PRR5: variants seen among roughly 807,000 people sequenced by gnomAD.
PRR5 encodes proline-rich protein 5.
Under a neutral mutation model 30.6 loss-of-function variants are expected in PRR5, and 25 were observed. The ratio of observed to expected loss-of-function variants is 0.82; its 90% confidence interval spans 0.60 to 1.14. The LOEUF is 1.14. Among genes scored for constraint, PRR5 ranks in the 50% most tolerant of loss-of-function variants. The pLI is 0.00. For synonymous variants in PRR5, 286 were observed against 247.1 expected (o/e 1.16, Z -1.48); for missense variants, 600 against 547.1 (o/e 1.10, Z -0.96).
chr22:44,699,270 C>T (rs1412164355), upstream of PRR5, among the ~76,000 whole-genome samples: 1 of 152,214 alleles, frequency 6.6e-6, no homozygotes, highest in Admixed American at 6.5e-5. Flanking sequence ...CCCAAGCAGT[C>T]AGGCCTCCCT....
chr22:44,684,839 A>T (rs1357368076), intron 1 of PRR5, among the ~76,000 whole-genome samples: 1 of 152,234 alleles, frequency 6.6e-6, no homozygotes, highest in Non-Finnish European at 1.5e-5. Flanking sequence ...TCATCCTTCC[A>T]GGCCCTGGTG....
At chr22:44,724,659 G>T (rs927187700) in intron 2 of PRR5, among the ~76,000 whole-genome samples, 5 of 152,280 alleles carry the variant, frequency 3.3e-5, no homozygotes, top group African/African-American at 1.2e-4. Context: ...GAGTGCCAAG[G>T]TGGAGGTTCA....
intron 1 of PRR5, among the ~76,000 whole-genome samples, chr22:44,696,898 G>A (rs1048705685): frequency 1.3e-5 from 2 of 151,988 alleles, no homozygotes; most frequent in Non-Finnish European, 2.9e-5. Context: ...CACCATATCC[G>A]GCTAATTTTT....
upstream of PRR5, among the ~76,000 whole-genome samples, chr22:44,697,849 G>C (rs1204407272): frequency 6.6e-6 from 1 of 152,234 alleles, no homozygotes; most frequent in Non-Finnish European, 1.5e-5. Flanking sequence ...GCAGCCTTGT[G>C]GGGACGAGTC....
chr22:44,727,447 G>A (rs1341106526), intron 4 of PRR5, among the ~76,000 whole-genome samples: 2 of 152,224 alleles, frequency 1.3e-5, no homozygotes, highest in African/African-American at 2.4e-5. Context: ...ACTAGGCACC[G>A]GGTGTGTGCG....
intron 2 of PRR5, among the ~76,000 whole-genome samples, chr22:44,716,469 G>C (rs1569094381): frequency 6.6e-6 from 1 of 152,222 alleles, no homozygotes; most frequent in Non-Finnish European, 1.5e-5. Flanking sequence ...CCAGGAGTTT[G>C]AGACCAGCCT....
At chr22:44,720,866 C>A (rs1929828054) in intron 2 of PRR5, among the ~76,000 whole-genome samples, 1 of 152,106 alleles carries the variant, frequency 6.6e-6, no homozygotes, top group South Asian at 2.1e-4. Flanking sequence ...TCAGAGGAGG[C>A]CAGGGGAGCC....
At chr22:44,698,606 C>T (rs1432891432), upstream of PRR5, among the ~76,000 whole-genome samples, 1 of 152,188 alleles carries the variant, frequency 6.6e-6, no homozygotes. Context: ...GAGGAGGGCC[C>T]GGTGGGCACC....
chr22:44,728,315 C>A (rs1181038848), intron 4 of PRR5, among the ~76,000 whole-genome samples: 5 of 152,222 alleles, frequency 3.3e-5, no homozygotes, highest in Admixed American at 3.3e-4. Context: ...AGCCTCAGCA[C>A]CCCTGTCTTA....
intron 1 of PRR5, among the ~76,000 whole-genome samples, chr22:44,690,662 G>A (rs774368578): frequency 6.6e-6 from 1 of 152,196 alleles, no homozygotes; most frequent in Non-Finnish European, 1.5e-5. Context: ...GTGAAGCCGC[G>A]ATCCTCTGGC....
intron 7 of PRR5, among the ~76,000 whole-genome samples, 183 bp downstream of exon 7, chr22:44,735,345 G>A (rs901092311): frequency 1.8e-4 from 28 of 152,240 alleles, no homozygotes; most frequent in Non-Finnish European, 3.2e-4. Flanking sequence ...GTGAGAGTGG[G>A]CACACACCCT....
At chr22:44,732,528 C>T in intron 6 of PRR5, 137 bp downstream of exon 6, 1 of 1,335,030 alleles carries the variant, frequency 7.5e-7, no homozygotes. Flanking sequence ...AGAAGCCTGT[C>T]AGGGCCAGGG....
At chr22:44,708,949 A>G (rs1368984016) in intron 1 of PRR5, among the ~76,000 whole-genome samples, 1 of 135,574 alleles carries the variant, frequency 7.4e-6, no homozygotes, top group African/African-American at 2.8e-5. Context: ...CCTGGGGGAC[A>G]GAGTGAGACT....
intron 1 of PRR5, among the ~76,000 whole-genome samples, chr22:44,692,669 A>G (rs1209541948): frequency 2.0e-5 from 3 of 152,160 alleles, no homozygotes; most frequent in Non-Finnish European, 2.9e-5. Context: ...CTTCCATCCA[A>G]GATTCTTCTA....
intron 4 of PRR5, among the ~76,000 whole-genome samples, chr22:44,727,124 TA>T (rs1379620911): frequency 1.3e-5 from 2 of 149,852 alleles, no homozygotes; most frequent in Non-Finnish European, 3.0e-5. Context: ...ACAGTGATGA[TA>T]AGTGATTTGC....
intron 1 of PRR5, among the ~76,000 whole-genome samples, chr22:44,693,458 C>CA (rs1216543034): frequency 1.4e-5 from 2 of 147,860 alleles, no homozygotes; most frequent in East Asian, 2.0e-4. Flanking sequence ...GACCCTGTCT[C>CA]AAAAAAAAAG....
At chr22:44,693,921 G>A (rs1413361919) in intron 1 of PRR5, among the ~76,000 whole-genome samples, 2 of 150,774 alleles carry the variant, frequency 1.3e-5, no homozygotes, top group African/African-American at 2.4e-5. Context: ...GAGCCACTGC[G>A]CCCTGCCCAC....
chr22:44,696,721 GTATTTATTTATT>G (rs56370664), intron 1 of PRR5, among the ~76,000 whole-genome samples: 2 of 147,926 alleles, frequency 1.4e-5, no homozygotes, highest in African/African-American at 2.5e-5. Context: ...ATGAACTTAC[GTATTTATTTATT>G]TATTTATTTA....
intron 2 of PRR5, among the ~76,000 whole-genome samples, chr22:44,717,888 T>G (rs555993770): frequency 3.3e-5 from 5 of 152,124 alleles, no homozygotes; most frequent in African/African-American, 9.6e-5. Flanking sequence ...GCTAATTTTG[T>G]ATTTTTAGTA....
Sources: gnomAD v4.1 joint callset for allele counts (sites outside exome capture counted in the v4.1 genomes callset) on GRCh38, gnomAD v4.1.1 for gene constraint, MANE v1.5 for transcripts, NCBI Gene and HGNC (gene_info 2026-07-23, HGNC 2026-07-21) for gene names.